The following PARD3 variants were observed in gnomAD, a reference collection of about 807,000 sequenced individuals.
PARD3 encodes the protein par-3 family cell polarity regulator.
A neutral mutation model predicts 155.4 loss-of-function variants in PARD3; 75 were observed. That is an observed-to-expected ratio of 0.48 (90% CI 0.40 to 0.58). PARD3 has a LOEUF of 0.58. Among genes scored for constraint, PARD3 ranks in the 20% least tolerant of loss-of-function variants. The pLI is 0.00. For synonymous variants in PARD3, 576 were observed against 610.5 expected (o/e 0.94, Z 0.83); for missense variants, 1,642 against 1,721.7 (o/e 0.95, Z 0.82).
At chr10:34,191,131 T>C (rs949816328) in intron 22 of PARD3, among the ~76,000 whole-genome samples, 7 of 151,906 alleles carry the variant, frequency 4.6e-5, no homozygotes, top group African/African-American at 1.7e-4. Flanking sequence ...TGTGATGAGA[T>C]GGGAGAGCAG....
chr10:34,568,657 C>T (rs1464373771), intron 2 of PARD3, among the ~76,000 whole-genome samples: 3 of 152,160 alleles, frequency 2.0e-5, no homozygotes, highest in African/African-American at 4.8e-5. Context: ...GCGTGACCTC[C>T]CCTGTTCTCA....
chr10:34,285,044 T>C (rs1168373854), intron 20 of PARD3, among the ~76,000 whole-genome samples: 2 of 152,142 alleles, frequency 1.3e-5, no homozygotes, highest in African/African-American at 4.8e-5. Context: ...TCAATTCCTT[T>C]CCCTGCTCTG....
chr10:34,452,066 C>T (rs2077092271), intron 4 of PARD3, among the ~76,000 whole-genome samples: 1 of 151,706 alleles, frequency 6.6e-6, no homozygotes, highest in Admixed American at 6.6e-5. Context: ...CCTTATGTGT[C>T]GACAAAGAGA....
chr10:34,147,221 C>T (rs1948556989), intron 22 of PARD3, among the ~76,000 whole-genome samples: 1 of 152,108 alleles, frequency 6.6e-6, no homozygotes, highest in South Asian at 2.1e-4. Flanking sequence ...ACCCCGATAA[C>T]AGCACTTTTA....
chr10:34,442,757 G>A (rs2076531377), intron 5 of PARD3, among the ~76,000 whole-genome samples: 1 of 152,128 alleles, frequency 6.6e-6, no homozygotes, highest in African/African-American at 2.4e-5. Context: ...AGTAGTCCCA[G>A]CTGCTCAGAA....
intron 2 of PARD3, among the ~76,000 whole-genome samples, chr10:34,528,551 T>C (rs2082627871): frequency 6.6e-6 from 1 of 152,210 alleles, no homozygotes; most frequent in Non-Finnish European, 1.5e-5. Flanking sequence ...TTGTTTTGTT[T>C]TGTTTTTTCC....
intron 22 of PARD3, among the ~76,000 whole-genome samples, chr10:34,164,190 A>G (rs1273695702): frequency 1.3e-5 from 2 of 152,232 alleles, no homozygotes; most frequent in Non-Finnish European, 2.9e-5. Context: ...AGAATTGGCC[A>G]TAAAAAAAAC....
intron 1 of PARD3, among the ~76,000 whole-genome samples, chr10:34,762,373 A>G (rs1837566708): frequency 6.6e-6 from 1 of 151,774 alleles, no homozygotes; most frequent in Non-Finnish European, 1.5e-5. Flanking sequence ...AACTCACTGC[A>G]GACTCAACCT....
At position 34,384,024 on chromosome 10, in the gene PARD3, C is replaced by G. The variant is rs1315594095; in HGVS notation, c.1016+105G>C. 5.4e-6 allele frequency: 6 copies of G among 1,112,972 alleles called. No individual in the cohort carries two copies. The Admixed American group carries it at 1.1e-4, about 20-fold the overall frequency. 68.9% of individuals were successfully genotyped at this position (1,112,972 alleles called of 1,614,324 possible). On this transcript the variant is annotated intron_variant, in intron 8 of 24. Coordinates refer to ENST00000374788, the MANE Select transcript of PARD3 (RefSeq NM_001184785.2). ...GCTAATGGCAGAAAATATTCCTCTC[C>G]AGTATACAGACTGAGATCACAGACA...
intron 1 of PARD3, among the ~76,000 whole-genome samples, chr10:34,746,003 G>A (rs1038655527): frequency 6.6e-6 from 1 of 152,110 alleles, no homozygotes; most frequent in Admixed American, 6.5e-5. Context: ...TCGGGAGGCT[G>A]AGGCAGGAGA....
At chr10:34,432,481 A>C (rs749719428) in intron 5 of PARD3, among the ~76,000 whole-genome samples, 1 of 152,080 alleles carries the variant, frequency 6.6e-6, no homozygotes, top group Non-Finnish European at 1.5e-5. Flanking sequence ...ACACAGAGCA[A>C]AATTAAAAGA....
intron 1 of PARD3, among the ~76,000 whole-genome samples, chr10:34,794,520 T>A (rs1435009089): frequency 6.6e-6 from 1 of 152,226 alleles, no homozygotes; most frequent in East Asian, 1.9e-4. Context: ...TGAACACTGT[T>A]CATTAGTAGA....
chr10:34,390,213 A>G (rs1267183690), intron 7 of PARD3, among the ~76,000 whole-genome samples: 21 of 152,214 alleles, frequency 1.4e-4, no homozygotes, highest in Non-Finnish European at 2.1e-4. Flanking sequence ...CTTCATTAGC[A>G]TATGTACCCA....
intron 2 of PARD3, among the ~76,000 whole-genome samples, chr10:34,528,620 T>A (rs1057455686): frequency 1.3e-5 from 2 of 152,218 alleles, no homozygotes; most frequent in African/African-American, 4.8e-5. Context: ...AGTAGCAAGT[T>A]TTTAAGAAAT....
chr10:34,550,472 A>C (rs958333153), intron 2 of PARD3, among the ~76,000 whole-genome samples: 12 of 152,310 alleles, frequency 7.9e-5, no homozygotes, highest in Admixed American at 2.6e-4. Flanking sequence ...AGGCCTCCCA[A>C]AAAGTGCTTG....
chr10:34,153,198 A>G (rs1358967794), intron 22 of PARD3, among the ~76,000 whole-genome samples: 1 of 152,066 alleles, frequency 6.6e-6, no homozygotes, highest in Non-Finnish European at 1.5e-5. Context: ...GCAGCCTTAA[A>G]CTCCTGGGAT....
intron 1 of PARD3, among the ~76,000 whole-genome samples, chr10:34,731,809 G>A (rs1358109697): frequency 6.6e-6 from 1 of 152,054 alleles, no homozygotes; most frequent in Non-Finnish European, 1.5e-5. Context: ...CACAGGAAAG[G>A]CAAATGCTGT....
chr10:34,274,258 G>C (rs1955770225), intron 21 of PARD3, among the ~76,000 whole-genome samples: 1 of 152,134 alleles, frequency 6.6e-6, no homozygotes, highest in Non-Finnish European at 1.5e-5. Flanking sequence ...AATTCTACTA[G>C]ACAGTTTTTA....
chr10:34,203,944 A>C (rs1318523532), intron 22 of PARD3, among the ~76,000 whole-genome samples: 2 of 152,230 alleles, frequency 1.3e-5, no homozygotes, highest in Non-Finnish European at 2.9e-5. Flanking sequence ...GAAGGTTCTA[A>C]ATGCCTCAAA....
Sources: gnomAD v4.1 joint callset for allele counts (sites outside exome capture counted in the v4.1 genomes callset) on GRCh38, gnomAD v4.1.1 for gene constraint, MANE v1.5 for transcripts, NCBI Gene and HGNC (gene_info 2026-07-23, HGNC 2026-07-21) for gene names.